The following NFASC variants were observed in gnomAD, a reference collection of about 807,000 sequenced individuals.
NFASC encodes the protein neurofascin, also known as neurofascin homolog.
Under a neutral mutation model 147.5 loss-of-function variants are expected in NFASC, and 43 were observed. The observed-to-expected ratio is 0.29, with a 90% CI of 0.23 to 0.38. The LOEUF (loss-of-function observed/expected upper bound fraction) is 0.38. Among genes scored for constraint, NFASC ranks in the 10% least tolerant of loss-of-function variants. NFASC has a pLI of 1.00. For synonymous variants in NFASC, 622 were observed against 665.5 expected (o/e 0.93, Z 1.01); for missense variants, 1,320 against 1,689.0 (o/e 0.78, Z 3.83).
intron 2 of NFASC, among the ~76,000 whole-genome samples, chr1:204,938,818 C>T (rs757986829): frequency 2.6e-5 from 4 of 152,154 alleles, no homozygotes; most frequent in Non-Finnish European, 5.9e-5. Context: ...CAATCTACAA[C>T]CTGATTTGGC....
At chr1:204,832,380 G>A (rs4951132) in intron 1 of NFASC, among the ~76,000 whole-genome samples, 148,252 of 152,238 alleles carry the variant, frequency 0.97, 72,194 homozygotes, top group East Asian at 1. Context: ...TGTGCTGAGA[G>A]GCAAGGCGAG....
chr1:204,962,621 A>G (rs1170498149), intron 8 of NFASC, among the ~76,000 whole-genome samples: 3 of 152,196 alleles, frequency 2.0e-5, no homozygotes, highest in African/African-American at 7.2e-5. Flanking sequence ...CCTGCTTTGT[A>G]ATCTCACCTT....
chr1:204,997,147 G>A (rs1434475271), intron 24 of NFASC, 23 bp from the exon 25 acceptor site: 1 of 1,596,432 alleles, frequency 6.3e-7, no homozygotes, highest in African/African-American at 1.3e-5. Flanking sequence ...ACCAGACTCG[G>A]CTGTTTTACA....
At chr1:204,916,365 G>A (rs2089249820) in intron 1 of NFASC, among the ~76,000 whole-genome samples, 1 of 152,182 alleles carries the variant, frequency 6.6e-6, no homozygotes, top group African/African-American at 2.4e-5. Flanking sequence ...GGTGATAAAA[G>A]CACTGGTGGT....
rs927497951 is a variant in NFASC, at chr1:204,959,699, C to G, written c.706+1873C>G. Among the ~76,000 whole-genome samples the G allele has an allele frequency of 2.6e-5, 4 of 152,258 alleles. 1 individual carries two copies. Among genetic ancestry groups the G allele is most frequent in the Middle Eastern group, 6.3e-3 (2 of 316 alleles). ...CTGAGTCAGTTGACCTTCTGTCATC[C>G]TGGGCAGAGCCCATCACTGTCACAC... On this transcript the variant is annotated intron_variant, in intron 8 of 29. Coordinates refer to ENST00000339876, the MANE Select transcript of NFASC (RefSeq NM_001005388.3).
chr1:204,843,654 CCCTT>C (rs1162331636), intron 1 of NFASC, among the ~76,000 whole-genome samples: 8 of 97,168 alleles, frequency 8.2e-5, no homozygotes, highest in East Asian at 4.4e-4. Context: ...CTCCCTCCCT[CCCTT>C]CCTTCCTCCC....
chr1:204,973,017 C>T (rs565831668), intron 11 of NFASC, among the ~76,000 whole-genome samples: 58 of 152,338 alleles, frequency 3.8e-4, no homozygotes, highest in Non-Finnish European at 7.1e-4. Context: ...ACCACAACTG[C>T]CCAATGGGTA....
intron 2 of NFASC, among the ~76,000 whole-genome samples, chr1:204,925,187 A>G (rs1463246435): frequency 1.3e-5 from 2 of 152,222 alleles, no homozygotes; most frequent in East Asian, 3.8e-4. Flanking sequence ...AATGCCAGCT[A>G]TGTGCCAGGC....
intron 27 of NFASC, among the ~76,000 whole-genome samples, chr1:205,004,179 G>A (rs1012905868): frequency 1.3e-4 from 20 of 152,346 alleles, no homozygotes; most frequent in African/African-American, 4.8e-4. Context: ...GATGATATTT[G>A]AAAATAGAGT....
At chr1:204,877,841 G>C (rs2079347886) in intron 1 of NFASC, among the ~76,000 whole-genome samples, 1 of 152,136 alleles carries the variant, frequency 6.6e-6, no homozygotes, top group South Asian at 2.1e-4. Flanking sequence ...AACTTCTCCT[G>C]GTTCAACCTG....
At chr1:204,947,948 CCTCACATG>C (rs2093878087) in intron 3 of NFASC, among the ~76,000 whole-genome samples, 1 of 151,816 alleles carries the variant, frequency 6.6e-6, no homozygotes, top group Admixed American at 6.6e-5. Flanking sequence ...CCTCACATAT[CCTCACATG>C]CTCACACTCA....
chr1:204,893,284 A>C (rs1049205338), intron 1 of NFASC, among the ~76,000 whole-genome samples: 6 of 152,258 alleles, frequency 3.9e-5, no homozygotes, highest in African/African-American at 1.4e-4. Flanking sequence ...GTGGAGATCC[A>C]AGTGGAGATA....
At chr1:204,937,393 C>G (rs2092958317) in intron 2 of NFASC, among the ~76,000 whole-genome samples, 2 of 152,210 alleles carry the variant, frequency 1.3e-5, no homozygotes, top group South Asian at 4.1e-4. Flanking sequence ...TGACAAGTAT[C>G]TACTATTAGG....
Position 205,016,629 on chromosome 1 carries a change from C to G in NFASC, c.*90C>G, listed in dbSNP as rs1397753012. ...CACTGCAGACCTACCACGAAGCCAC[C>G]ACCACCTTCAGTAACAAGGGTACGA... On this transcript the variant is annotated 3_prime_UTR_variant, in exon 30 of 30. Transcript: ENST00000339876. This position sits in a 1 kb window ranked among gnomAD's most constrained non-coding sequence, Gnocchi z 5.1. 3 of 882,902 alleles carry G rather than the reference C, an allele frequency of 3.4e-6. No homozygotes were observed. Among genetic ancestry groups the G allele is most frequent in the Non-Finnish European group, 5.6e-6 (3 of 534,074 alleles). 54.7% of individuals were successfully genotyped at this position (882,902 alleles called of 1,614,324 possible).
Position 204,982,008 on chromosome 1 carries a change from T to C in NFASC, c.2458T>C (p.Ser820Pro). 1.3e-6 allele frequency: 2 copies of C among 1,574,516 alleles called. No homozygotes were observed. Among genetic ancestry groups the C allele is most frequent in the Non-Finnish European group, 1.7e-6 (2 of 1,160,172 alleles). ...TGAGCCAGAGTCCGTCATCGGTTAC[T>C]CCGGAGAAGATTGTGAGTAGTCTCC... ...GPEPESVIGYSGEDLPSAPRR... is the reference protein window; with the variant it reads ...GPEPESVIGYPGEDLPSAPRR... Residue 820 changes from serine (S) to proline (P), a missense_variant, in exon 21 of 30, where the codon TCC becomes CCC. By Grantham distance (74) the Ser-to-Pro change is moderately conservative. Around this residue, in one of 3 missense-constraint regions of NFASC, gnomAD observed 981 missense variants for 1,289.5 expected, o/e 0.76. Coordinates refer to ENST00000339876, the MANE Select transcript of NFASC (RefSeq NM_001005388.3).
At position 204,976,771 on chromosome 1, in the gene NFASC, G is replaced by T. The variant is rs922608016; in HGVS notation, c.1807G>T (p.Ala603Ser). ...VASTELDQDL[A>S]KAYLTVLADQ... ...CAGCACCGAGCTAGACCAAGACCTG[G>T]CCAAGGCCTACCTCACCGTGCTAGG... Residue 603 changes from alanine (A) to serine (S), a missense_variant, in exon 16 of 30, where the codon GCC (alanine) becomes TCC (serine). Ala to Ser is a moderately conservative substitution (Grantham distance 99). Around this residue, in one of 3 missense-constraint regions of NFASC, gnomAD observed 981 missense variants for 1,289.5 expected, o/e 0.76. Transcript: ENST00000339876. The T allele has an allele frequency of 3.8e-5, 61 of 1,613,792 alleles. 1 individual carries two copies. Among genetic ancestry groups the T allele is most frequent in the Non-Finnish European group, 4.7e-5 (55 of 1,179,890 alleles).
At chr1:204,872,324 C>A (rs1038451833) in intron 1 of NFASC, among the ~76,000 whole-genome samples, 1 of 152,208 alleles carries the variant, frequency 6.6e-6, no homozygotes, top group Non-Finnish European at 1.5e-5. Flanking sequence ...AATTGCAGCT[C>A]CTTCCTGGAC....
chr1:204,943,078 C>A (rs992325118), intron 2 of NFASC, among the ~76,000 whole-genome samples: 16 of 151,944 alleles, frequency 1.1e-4, no homozygotes, highest in Non-Finnish European at 1.5e-5. Context: ...AATTTGCTGC[C>A]GAATAAAATA....
chr1:204,973,766 G>A (rs1030493263), intron 12 of NFASC, among the ~76,000 whole-genome samples: 3 of 152,134 alleles, frequency 2.0e-5, no homozygotes, highest in Non-Finnish European at 2.9e-5. Context: ...CTGTCCCATC[G>A]CCTTGGTGTA....
Sources: allele counts gnomAD v4.1 joint callset (sites outside exome capture counted in the v4.1 genomes callset), GRCh38; gene constraint gnomAD v4.1.1; regional missense constraint gnomAD v4.1.1; non-coding constraint Gnocchi (gnomAD v3.1); transcripts MANE v1.5; gene names NCBI Gene and HGNC (gene_info 2026-07-23, HGNC 2026-07-21).